The following LDB2 variants were observed in gnomAD, a reference collection of about 807,000 sequenced individuals.
The protein encoded by LDB2 is LIM domain binding 2, also known as LIM domain-binding protein 2.
A neutral mutation model predicts 44.3 loss-of-function variants in LDB2; 12 were observed. The observed-to-expected ratio is 0.27, with a 90% CI of 0.17 to 0.44. The LOEUF (loss-of-function observed/expected upper bound fraction) is 0.44, where lower values mean the gene tolerates loss of function less well. Among genes scored for constraint, LDB2 ranks in the 20% least tolerant of loss-of-function variants. The pLI is 1.00. For missense variants in LDB2, 344 were observed against 473.5 expected, an observed-to-expected ratio of 0.73 and a Z score of 2.54; for synonymous variants, 164 against 174.8, an observed-to-expected ratio of 0.94 and a Z score of 0.49.
At chr4:16,602,544 G>C (rs149857394) in intron 2 of LDB2, among the ~76,000 whole-genome samples, 1 of 152,128 alleles carries the variant, frequency 6.6e-6, no homozygotes, top group Non-Finnish European at 1.5e-5. Context: ...AATGGCTTCC[G>C]TTTTATCCTT....
At chr4:16,570,504 A>AAAAAAAAAAAAAAAAAAAAAAAAAAAAG (rs1560506195) in intron 5 of LDB2, among the ~76,000 whole-genome samples, 1 of 143,004 alleles carries the variant, frequency 7.0e-6, no homozygotes, top group African/African-American at 2.7e-5. Flanking sequence ...AAAAAAAAAA[A>AAAAAAAAAAAAAAAAAAAAAAAAAAAAG]GTTTACATCT....
At chr4:16,638,554 G>A (rs1734245518) in intron 2 of LDB2, among the ~76,000 whole-genome samples, 1 of 152,180 alleles carries the variant, frequency 6.6e-6, no homozygotes, top group Non-Finnish European at 1.5e-5. Flanking sequence ...AATGGAGATA[G>A]GCACACTTAA....
intron 2 of LDB2, among the ~76,000 whole-genome samples, chr4:16,756,336 G>C (rs1287439741): frequency 2.0e-5 from 3 of 152,094 alleles, no homozygotes; most frequent in Admixed American, 6.5e-5. Context: ...TGCAATCCCT[G>C]CTACTCGGTA....
chr4:16,673,617 A>G (rs1050091103), intron 2 of LDB2, among the ~76,000 whole-genome samples: 17 of 152,174 alleles, frequency 1.1e-4, no homozygotes, highest in Admixed American at 9.2e-4. Context: ...TCTCCATGCT[A>G]TTATAATAAG....
At chr4:16,897,405 A>G (rs1725342083) in intron 1 of LDB2, among the ~76,000 whole-genome samples, 1 of 152,140 alleles carries the variant, frequency 6.6e-6, no homozygotes, top group South Asian at 2.1e-4. Flanking sequence ...CAAAGCCCCA[A>G]CTTACAGGCA....
chr4:16,641,785 A>G (rs974600747), intron 2 of LDB2, among the ~76,000 whole-genome samples: 1 of 152,160 alleles, frequency 6.6e-6, no homozygotes, highest in Non-Finnish European at 1.5e-5. Flanking sequence ...CTATGTCAGT[A>G]ACTGTGTTGG....
At position 16,505,360 on chromosome 4, in the gene LDB2, C is replaced by CATGT. The variant is rs1553866531; in HGVS notation, c.892-2488_892-2487insACAT. 7.9e-3 allele frequency among the ~76,000 whole-genome samples: 1,175 copies of CATGT among 149,596 alleles called. 17 individuals carry two copies. Among genetic ancestry groups the CATGT allele is most frequent in the African/African-American group, 0.027 (1,093 of 40,618 alleles). ...GTGTGTGTGTGTGAGAGAGAGAGAG[C>CATGT]GTGTGTGTGTGTGTGTATGTGTTTG... On this transcript the variant is annotated intron_variant, in intron 7 of 7. Coordinates refer to ENST00000304523, the MANE Select transcript of LDB2 (RefSeq NM_001290.5).
At chr4:16,763,073 CCACACACACA>C (rs57168902) in intron 1 of LDB2, among the ~76,000 whole-genome samples, 46,410 of 139,968 alleles carry the variant, frequency 0.33, 6,951 homozygotes, top group Middle Eastern at 0.38. Context: ...TTAGGTAACA[CCACACACACA>C]CACACACACA....
chr4:16,853,097 G>A (rs2110198951), intron 1 of LDB2, among the ~76,000 whole-genome samples: 1 of 152,206 alleles, frequency 6.6e-6, no homozygotes, highest in Middle Eastern at 3.4e-3. Context: ...CAATACAAAT[G>A]TCTCTTCATG....
chr4:16,538,338 C>T (rs1290163683), intron 5 of LDB2, among the ~76,000 whole-genome samples: 1 of 151,948 alleles, frequency 6.6e-6, no homozygotes, highest in African/African-American at 2.4e-5. Context: ...TGCTCTGTGC[C>T]CAGAGGCTTC....
intron 2 of LDB2, among the ~76,000 whole-genome samples, chr4:16,604,866 T>C (rs1560606722): frequency 1.3e-5 from 2 of 152,246 alleles, no homozygotes; most frequent in Admixed American, 1.3e-4. Flanking sequence ...CCTTACTTTC[T>C]CTTATGCACA....
intron 5 of LDB2, among the ~76,000 whole-genome samples, chr4:16,573,797 C>T (rs777745488): frequency 9.9e-5 from 15 of 152,096 alleles, no homozygotes; most frequent in African/African-American, 1.4e-4. Context: ...CCAGTAACTA[C>T]GGGTCATCTC....
At chr4:16,696,713 AAG>A (rs2152619946) in intron 2 of LDB2, among the ~76,000 whole-genome samples, 1 of 152,334 alleles carries the variant, frequency 6.6e-6, no homozygotes, top group East Asian at 1.9e-4. Context: ...GGTTGTGAGC[AAG>A]AGTTTTTCTT....
At chr4:16,788,854 T>A (rs1040571805) in intron 1 of LDB2, among the ~76,000 whole-genome samples, 1 of 152,162 alleles carries the variant, frequency 6.6e-6, no homozygotes, top group Non-Finnish European at 1.5e-5. Context: ...GGTACTACTG[T>A]GCAATTAACT....
At chr4:16,552,585 T>A (rs539277284) in intron 5 of LDB2, among the ~76,000 whole-genome samples, 2 of 152,198 alleles carry the variant, frequency 1.3e-5, no homozygotes, top group African/African-American at 4.8e-5. Context: ...TTTAATCCCA[T>A]CCCCTCTTGC....
intron 1 of LDB2, among the ~76,000 whole-genome samples, chr4:16,779,121 T>C (rs1357419422): frequency 6.6e-6 from 1 of 152,184 alleles, no homozygotes; most frequent in African/African-American, 2.4e-5. Context: ...ATAAAGCTGT[T>C]GGGGGCACTG....
intron 1 of LDB2, among the ~76,000 whole-genome samples, chr4:16,879,472 T>C (rs1358081911): frequency 6.6e-6 from 1 of 152,194 alleles, no homozygotes; most frequent in African/African-American, 2.4e-5. Context: ...GTGGGCACCA[T>C]TCAATCTATA....
At chr4:16,886,571 C>T (rs56035135) in intron 1 of LDB2, among the ~76,000 whole-genome samples, 2 of 152,084 alleles carry the variant, frequency 1.3e-5, no homozygotes, top group Non-Finnish European at 2.9e-5. Context: ...TTGTATTTCA[C>T]AAATACTCTA....
At chr4:16,720,375 A>G (rs1758003298) in intron 2 of LDB2, among the ~76,000 whole-genome samples, 4 of 152,126 alleles carry the variant, frequency 2.6e-5, no homozygotes, top group African/African-American at 7.2e-5. Context: ...TCACACCTGA[A>G]AGTTCCAGCT....
Sources: gnomAD v4.1 joint callset for allele counts (sites outside exome capture counted in the v4.1 genomes callset) on GRCh38, gnomAD v4.1.1 for gene constraint, MANE v1.5 for transcripts, NCBI Gene and HGNC (gene_info 2026-07-23, HGNC 2026-07-21) for gene names.